The following WWOX variants were observed in gnomAD, a reference collection of about 807,000 sequenced individuals.
WWOX encodes WW domain containing oxidoreductase, also known as WW domain-containing oxidoreductase.
A neutral mutation model predicts 46.2 loss-of-function variants in WWOX; 69 were observed. That is an observed-to-expected ratio of 1.49 (90% CI 1.23 to 1.82). The LOEUF is 1.82. Ranked by LOEUF, WWOX falls within the 40% of genes most tolerant of loss-of-function variation. WWOX has a pLI of 0.00. For synonymous variants in WWOX, 359 were observed against 202.6 expected, an observed-to-expected ratio of 1.77 and a Z score of -6.56; for missense variants, 919 against 542.6, an observed-to-expected ratio of 1.69 and a Z score of -6.89.
chr16:78,425,959 A>G (rs973996615), intron 7 of WWOX, among the ~76,000 whole-genome samples: 4 of 152,154 alleles, frequency 2.6e-5, no homozygotes, highest in African/African-American at 9.7e-5. Context: ...CATAAAATGT[A>G]ACCCCTGGGA....
intron 6 of WWOX, among the ~76,000 whole-genome samples, chr16:78,388,243 C>G (rs1192213304): frequency 6.6e-6 from 1 of 152,182 alleles, no homozygotes; most frequent in Non-Finnish European, 1.5e-5. Context: ...ATTGGTCAGA[C>G]TGGTCTCAAA....
At chr16:78,811,195 G>T (rs2051179306) in intron 8 of WWOX, among the ~76,000 whole-genome samples, 1 of 152,134 alleles carries the variant, frequency 6.6e-6, no homozygotes, top group Non-Finnish European at 1.5e-5. Context: ...GACATTCTTA[G>T]TTGTGATCTA....
intron 8 of WWOX, among the ~76,000 whole-genome samples, chr16:79,027,043 G>A (rs2047659741): frequency 6.6e-6 from 1 of 151,582 alleles, no homozygotes; most frequent in Non-Finnish European, 1.5e-5. Flanking sequence ...ACTTTGGGAG[G>A]TCAAGGCAGG....
At chr16:79,197,476 C>G (rs1456847159) in intron 8 of WWOX, among the ~76,000 whole-genome samples, 1 of 151,988 alleles carries the variant, frequency 6.6e-6, no homozygotes, top group Non-Finnish European at 1.5e-5. Flanking sequence ...CTGCCCCCCT[C>G]CAGTGAGCGA....
intron 8 of WWOX, among the ~76,000 whole-genome samples, chr16:78,832,766 T>C (rs180998585): frequency 2.4e-4 from 36 of 152,190 alleles, no homozygotes; most frequent in Non-Finnish European, 2.9e-4. Context: ...AGCAGGTGAG[T>C]TGGGGAGGCG....
chr16:78,944,597 T>G (rs918011961), intron 8 of WWOX, among the ~76,000 whole-genome samples: 7 of 152,202 alleles, frequency 4.6e-5, no homozygotes, highest in Non-Finnish European at 1.0e-4. Context: ...TGAGTGACTC[T>G]TTCCCAAAGA....
chr16:78,304,139 C>T (rs2080091777), intron 5 of WWOX, among the ~76,000 whole-genome samples: 1 of 152,166 alleles, frequency 6.6e-6, no homozygotes, highest in South Asian at 2.1e-4. Context: ...CAAAGTGTTT[C>T]CTTCCCGTGG....
intron 8 of WWOX, among the ~76,000 whole-genome samples, chr16:78,486,717 G>A (rs1428075568): frequency 6.6e-6 from 1 of 152,176 alleles, no homozygotes; most frequent in Non-Finnish European, 1.5e-5. Flanking sequence ...GGGATTACAG[G>A]TGCATGCCAC....
chr16:78,611,727 T>C (rs561372792), intron 8 of WWOX, among the ~76,000 whole-genome samples: 7 of 152,388 alleles, frequency 4.6e-5, no homozygotes, highest in African/African-American at 1.2e-4. Flanking sequence ...TTCTCACTTA[T>C]GGTGCATGTC....
intron 5 of WWOX, among the ~76,000 whole-genome samples, chr16:78,178,107 T>A (rs1400933278): frequency 6.6e-6 from 1 of 152,178 alleles, no homozygotes; most frequent in Non-Finnish European, 1.5e-5. Context: ...AATCAGGAAG[T>A]GCTGACAGTG....
intron 8 of WWOX, among the ~76,000 whole-genome samples, chr16:78,906,781 C>G (rs934430224): frequency 6.6e-6 from 1 of 152,172 alleles, no homozygotes; most frequent in East Asian, 1.9e-4. Context: ...GTGACAAGGT[C>G]TTCTGACCCT....
chr16:78,244,677 C>T (rs1189313822), intron 5 of WWOX, among the ~76,000 whole-genome samples: 3 of 152,164 alleles, frequency 2.0e-5, no homozygotes. Context: ...TCTGGGCCTC[C>T]CCAGGCCTTA....
chr16:78,294,456 T>A (rs1013509217), intron 5 of WWOX, among the ~76,000 whole-genome samples: 1 of 152,136 alleles, frequency 6.6e-6, no homozygotes, highest in Non-Finnish European at 1.5e-5. Flanking sequence ...ATAAGAGCCA[T>A]GTTCTACAAG....
chr16:78,177,128 A>G (rs2035376425), intron 5 of WWOX, among the ~76,000 whole-genome samples: 2 of 152,204 alleles, frequency 1.3e-5, no homozygotes, highest in Admixed American at 1.3e-4. Context: ...ATGGCTCAAC[A>G]GTTCTCATGC....
intron 8 of WWOX, among the ~76,000 whole-genome samples, chr16:78,696,878 T>C (rs1271197804): frequency 6.6e-6 from 1 of 152,140 alleles, no homozygotes; most frequent in African/African-American, 2.4e-5. Flanking sequence ...TACATCCTCA[T>C]AGCTTAGCTC....
intron 8 of WWOX, chr16:78,897,961 C>A (rs770440918): frequency 6.6e-6 from 1 of 151,486 alleles, no homozygotes; most frequent in African/African-American, 2.4e-5. Flanking sequence ...CATATATTTT[C>A]TTTCTGTGAA....
intron 5 of WWOX, among the ~76,000 whole-genome samples, chr16:78,364,595 A>G (rs1466981556): frequency 3.3e-5 from 5 of 152,086 alleles, no homozygotes; most frequent in Non-Finnish European, 5.9e-5. Context: ...TGGTTACAGT[A>G]TAATAAAAAT....
chr16:78,568,203 A>G (rs1459077334), intron 8 of WWOX, among the ~76,000 whole-genome samples: 1 of 152,168 alleles, frequency 6.6e-6, no homozygotes, highest in Non-Finnish European at 1.5e-5. Context: ...CTTCTGAACA[A>G]CATCGGCTGT....
At chr16:78,144,785 T>C (rs1308566400) in intron 4 of WWOX, among the ~76,000 whole-genome samples, 2 of 151,670 alleles carry the variant, frequency 1.3e-5, no homozygotes, top group African/African-American at 4.8e-5. Flanking sequence ...CCTACCAAAG[T>C]GCTGGGATTA....
Sources: gnomAD v4.1 joint callset for allele counts (sites outside exome capture counted in the v4.1 genomes callset) on GRCh38, gnomAD v4.1.1 for gene constraint, MANE v1.5 for transcripts, NCBI Gene and HGNC (gene_info 2026-07-23, HGNC 2026-07-21) for gene names.